Variants in PSG7 observed in about 807,000 individuals in gnomAD.
PSG7 encodes pregnancy specific beta-1-glycoprotein 7.
PSG7 carries 57 observed loss-of-function variants against 45.6 expected under a neutral mutation model. The observed-to-expected ratio is 1.25, with a 90% CI of 1.01 to 1.56. The LOEUF (loss-of-function observed/expected upper bound fraction) is 1.56, where lower values mean the gene tolerates loss of function less well. Among genes scored for constraint, PSG7 ranks in the 40% most tolerant of loss-of-function variants. The probability of loss-of-function intolerance (pLI) is 0.00; values close to 1 mark genes in which losing one functional copy is unlikely to be tolerated. For missense variants in PSG7, 796 were observed against 508.4 expected, an observed-to-expected ratio of 1.57 and a Z score of -5.44; for synonymous variants, 298 against 194.4, an observed-to-expected ratio of 1.53 and a Z score of -4.43.
Position 42,926,589 on chromosome 19 carries a change from G to T in PSG7, c.837C>A (p.Ser279Arg). 6.2e-7 allele frequency: 1 copy of T among 1,610,260 alleles called. No homozygotes were observed. Among genetic ancestry groups the T allele is most frequent in the Non-Finnish European group, 8.5e-7 (1 of 1,179,030 alleles). Residue 279 changes from serine to arginine, a missense_variant, in exon 4 of 6, where the codon AGC becomes AGA. Transcript: ENST00000406070. Reference sequence around the variant, plus strand: ...GCTTTACCCTGGGACTGACCGGGAGGCTCTGACCATTTAGCCACCAAATGT... The same window carrying T: ...GCTTTACCCTGGGACTGACCGGGAGTCTCTGACCATTTAGCCACCAAATGT... ...YTYIWWLNGQ[S>R]LPVSPRVKRR... is the part of the protein sequence containing the mutation.
Position 42,935,847 on chromosome 19 carries a change from A to C in PSG7, c.65-78T>G, listed in dbSNP as rs562990413. The C allele has an allele frequency of 4.8e-6, 7 of 1,457,728 alleles. No individual in the cohort carries two copies. In the East Asian group the frequency reaches 1.6e-4, roughly 33 times the overall value. 90.3% of individuals were successfully genotyped at this position (1,457,728 alleles called of 1,614,324 possible). On this transcript the variant is annotated intron_variant, in intron 1 of 5. Transcript: ENST00000406070. ...AAAGATGGGCCCCTGGGTCCTGAGA[A>C]GGTCTCTTCAATCCTCAGCCTTGAA...
chr19:42,930,292 G>A (rs534417169), intron 2 of PSG7, among the ~76,000 whole-genome samples: 24 of 151,690 alleles, frequency 1.6e-4, no homozygotes, highest in African/African-American at 5.3e-4. Flanking sequence ...ATCAGGCAGT[G>A]CAGCCACAAG....
chr19:42,931,842 A>G (rs1480714909), intron 2 of PSG7, among the ~76,000 whole-genome samples: 5 of 151,508 alleles, frequency 3.3e-5, no homozygotes, highest in Admixed American at 6.6e-5. Context: ...AAAAATTGCT[A>G]TTGTCAAAAC....
intron 3 of PSG7, among the ~76,000 whole-genome samples, chr19:42,928,748 C>A (rs7246231): frequency 0.025 from 3,769 of 151,334 alleles, 216 homozygotes; most frequent in African/African-American, 0.086. Flanking sequence ...GATAGACTTC[C>A]CTGGAAAACA....
chr19:42,929,704 G>C lies in PSG7; in HGVS notation c.447C>G (p.Pro149=). 6.2e-7 allele frequency: 1 copy of C among 1,612,134 alleles called. No individual in the cohort carries two copies. The highest frequency in any genetic ancestry group is 8.5e-7 in the Non-Finnish European group (1 of 1,179,056). ...GGTTGAAATTGCTGCTGGAGATGGA[G>C]GGTTTGGGAGTCTCCACTGTGCGGA... ...TFTLYLETPK[P]SISSSNFNPR... is the part of the protein sequence containing the mutation. The change falls in exon 3 of 6, where the codon CCC becomes CCG. Residue 149 remains proline, a synonymous_variant. Transcript: ENST00000406070.
intron 2 of PSG7, among the ~76,000 whole-genome samples, chr19:42,932,533 G>A (rs575749124): frequency 6.6e-6 from 1 of 151,420 alleles, no homozygotes; most frequent in South Asian, 2.1e-4. Flanking sequence ...GGAACTGCAG[G>A]CCCTTCCAGC....
In PSG7 at chr19:42,935,512, G is replaced by T; in HGVS notation, c.322C>A (p.Leu108Met). ...TCTTCCTGGGTGACATTCTGGATCA[G>T]CAGGGATGCATTGGAATATACTGTT... is the stretch of plus-strand genomic sequence containing the variant. ...RETVYSNASL[L>M]IQNVTQEDTG... The change falls in exon 2 of 6, where the codon CTG (leucine) becomes ATG (methionine). Residue 108 changes from leucine (L) to methionine (M), a missense_variant. Coordinates refer to ENST00000406070, the MANE Select transcript of PSG7 (RefSeq NM_002783.3). The T allele has an allele frequency of 6.2e-7, 1 of 1,612,198 alleles. No individual in the cohort carries two copies.
chr19:42,932,643 C>G (rs1314445485), intron 2 of PSG7, among the ~76,000 whole-genome samples: 1 of 151,572 alleles, frequency 6.6e-6, no homozygotes, highest in Non-Finnish European at 1.5e-5. Flanking sequence ...GCTGTCCTCA[C>G]TCATTCCTGG....
chr19:42,924,704 T>C lies in PSG7; in HGVS notation c.*104A>G. 2 of 765,466 alleles carry C rather than the reference T, an allele frequency of 2.6e-6. No individual in the cohort carries two copies. The highest frequency in any genetic ancestry group is 2.4e-5 in the East Asian group (1 of 41,180). The allele number at this position is 765,466 out of a possible 1,614,324, so 47.4% of individuals were successfully genotyped here. ...GGTACAAGGATTTTCCCATGAAATT[T>C]ACATTGAGTTGTCCAACTCTGACTT... On this transcript the variant is annotated 3_prime_UTR_variant, in exon 6 of 6. Transcript: ENST00000406070.
At chr19:42,936,932 A>G in intron 1 of PSG7, 81 bp downstream of exon 1, 2 of 1,573,964 alleles carry the variant, frequency 1.3e-6, no homozygotes, top group Non-Finnish European at 1.7e-6. Context: ...TTTATTTTTT[A>G]GAACCCCATC....
At chr19:42,933,288 TA>T (rs1568459477) in intron 2 of PSG7, among the ~76,000 whole-genome samples, 197 of 11,944 alleles carry the variant, frequency 0.016, 18 homozygotes, top group East Asian at 0.03. Flanking sequence ...TATATATATA[TA>T]TATATATATA....
chr19:42,933,463 G>C (rs1480757463), intron 2 of PSG7, among the ~76,000 whole-genome samples: 1 of 148,484 alleles, frequency 6.7e-6, no homozygotes, highest in Non-Finnish European at 1.5e-5. Flanking sequence ...GAAATACAGT[G>C]GAAGCTCATT....
chr19:42,933,294 TATATATATATATA>T (rs1423006068), intron 2 of PSG7, among the ~76,000 whole-genome samples: 160 of 15,218 alleles, frequency 0.011, 15 homozygotes, highest in African/African-American at 0.013. Context: ...TATATATATA[TATATATATATATA>T]TTTTTTTTTT....
In PSG7 at chr19:42,924,818, G is replaced by A. The variant is rs759603906; in HGVS notation, c.1250C>T (p.Thr417Ile). The change falls in exon 6 of 6, where the codon ACA becomes ATA. Residue 417 changes from threonine to isoleucine, a missense_variant. Coordinates refer to ENST00000406070, the MANE Select transcript of PSG7 (RefSeq NM_002783.3). ...KSVTVRVSDW[T>I]LP ...AGGAACTAGTAGAATTCAGGGTAAT[G>A]TCCAGTCTACAGTGGATAATAAAAA... 6.6e-6 allele frequency: 5 copies of A among 757,812 alleles called. No individual in the cohort carries two copies. The highest frequency in any genetic ancestry group is 2.4e-5 in the East Asian group (1 of 41,178). 46.9% of individuals were successfully genotyped at this position (757,812 alleles called of 1,614,324 possible). A position where few individuals can be genotyped will look rare whatever the true frequency, so the allele number is the denominator to read the frequency against.
At chr19:42,926,136 G>A in intron 4 of PSG7, 109 bp from the exon 5 acceptor site, 8 of 1,505,316 alleles carry the variant, frequency 5.3e-6, no homozygotes, top group Non-Finnish European at 7.2e-6. Flanking sequence ...ACCCTCAAGT[G>A]ACAGCCAAAT....
chr19:42,925,032 G>T (rs1425738255), intron 5 of PSG7: 3 of 598,956 alleles, frequency 5.0e-6, no homozygotes, highest in Non-Finnish European at 8.9e-6. Context: ...AGCAAGAGTA[G>T]CAATGGACTA....
At chr19:42,925,722 A>T in intron 5 of PSG7, 51 bp downstream of exon 5, 2 of 1,610,278 alleles carry the variant, frequency 1.2e-6, no homozygotes, top group Non-Finnish European at 1.7e-6. Flanking sequence ...TCTGAAAGTC[A>T]GATAGACTGC....
intron 5 of PSG7, 147 bp downstream of exon 5, chr19:42,925,626 A>G (rs1456242311): frequency 1.3e-6 from 2 of 1,518,928 alleles, no homozygotes; most frequent in African/African-American, 1.4e-5. Flanking sequence ...TTCTTAGACA[A>G]ATTTGGAGGG....
In PSG7 at chr19:42,924,560, C is replaced by T; in HGVS notation, c.*248G>A. 2 of 603,758 alleles carry T rather than the reference C, an allele frequency of 3.3e-6. No individual in the cohort carries two copies. Among genetic ancestry groups the T allele is most frequent in the Admixed American group, 5.7e-5 (2 of 35,038 alleles). 37.4% of individuals were successfully genotyped at this position (603,758 alleles called of 1,614,324 possible). A position where few individuals can be genotyped will look rare whatever the true frequency, so the allele number is the denominator to read the frequency against. On this transcript the variant is annotated 3_prime_UTR_variant, in exon 6 of 6. Transcript: ENST00000406070. ...ATCATGATGGGGAGTCTTATTCTGA[C>T]ATCTTGGGAAAAGCTGTCCACAGTG...
Sources: allele counts gnomAD v4.1 joint callset (sites outside exome capture counted in the v4.1 genomes callset), GRCh38; gene constraint gnomAD v4.1.1; transcripts MANE v1.5; gene names NCBI Gene and HGNC (gene_info 2026-07-23, HGNC 2026-07-21).